The following KCND2 variants were observed in gnomAD, a reference collection of about 807,000 sequenced individuals.
KCND2 encodes A-type voltage-gated potassium channel KCND2.
In KCND2, 16 loss-of-function variants were observed where a neutral mutation model predicts 54.4. The observed-to-expected ratio is 0.29, with a 90% CI of 0.20 to 0.45. The LOEUF is 0.45. Ranked by LOEUF, KCND2 falls within the 20% of genes least tolerant of loss-of-function variation. The pLI is 1.00. For synonymous variants in KCND2, 317 were observed against 310.7 expected, an observed-to-expected ratio of 1.02 and a Z score of -0.21; for missense variants, 486 against 824.2, an observed-to-expected ratio of 0.59 and a Z score of 5.02.
At position 120,508,949 on chromosome 7, in the gene KCND2, C is replaced by A. The variant is rs575726885; in HGVS notation, c.1116-223954C>A. 1.8e-4 allele frequency among the ~76,000 whole-genome samples: 26 copies of A among 148,324 alleles called. No individual in the cohort carries two copies. The South Asian group carries it at 5.4e-3, about 31-fold the overall frequency. On this transcript the variant is annotated intron_variant, in intron 1 of 5. Transcript: ENST00000331113. ...AAGGAGTGGTGAACAGACTGCTTTGCCCTCAGCTGCACCATTTCCAGAGAC... is the reference window on the plus strand; with the variant it reads ...AAGGAGTGGTGAACAGACTGCTTTGACCTCAGCTGCACCATTTCCAGAGAC...
chr7:120,741,433 A>T, intron 2 of KCND2, 101 bp from the exon 3 acceptor site: 2 of 826,640 alleles, frequency 2.4e-6, no homozygotes, highest in Non-Finnish European at 4.1e-6. Context: ...GCTTACTTTT[A>T]AAAATATGTA....
At chr7:120,538,397 GA>G (rs1183039614) in intron 1 of KCND2, among the ~76,000 whole-genome samples, 1 of 152,100 alleles carries the variant, frequency 6.6e-6, no homozygotes, top group Non-Finnish European at 1.5e-5. Flanking sequence ...ATGTCACATA[GA>G]GTCACAAAGT....
At chr7:120,314,132 G>A (rs1799779753) in intron 1 of KCND2, among the ~76,000 whole-genome samples, 2 of 151,522 alleles carry the variant, frequency 1.3e-5, no homozygotes, top group South Asian at 4.2e-4. Context: ...CTATACTAGG[G>A]TTTAAAAAAT....
In KCND2 at chr7:120,591,015, A is replaced by C. The variant is rs550317239; in HGVS notation, c.1116-141888A>C. On this transcript the variant is annotated intron_variant, in intron 1 of 5. Coordinates refer to ENST00000331113, the MANE Select transcript of KCND2 (RefSeq NM_012281.3). Reference sequence around the variant, plus strand: ...ACTGCAGGTTTTCTGTGTTAACCTTATTCTGGATTAATTATTTTTCCTACT... The same window carrying C: ...ACTGCAGGTTTTCTGTGTTAACCTTCTTCTGGATTAATTATTTTTCCTACT... Among the ~76,000 whole-genome samples, 5 of 152,192 alleles carry C rather than the reference A, an allele frequency of 3.3e-5. No individual in the cohort carries two copies. The South Asian group carries it at 1.0e-3, about 32-fold the overall frequency.
chr7:120,319,610 C>A (rs555379533), intron 1 of KCND2, among the ~76,000 whole-genome samples: 12 of 152,192 alleles, frequency 7.9e-5, no homozygotes, highest in African/African-American at 2.6e-4. Context: ...CTAAAACATA[C>A]CATGTTTTTA....
intron 1 of KCND2, among the ~76,000 whole-genome samples, chr7:120,634,267 G>A (rs1482618986): frequency 2.6e-5 from 4 of 151,982 alleles, no homozygotes; most frequent in Non-Finnish European, 4.4e-5. Context: ...AATGCCTTCC[G>A]ACACCAATAT....
intron 1 of KCND2, among the ~76,000 whole-genome samples, chr7:120,522,399 C>A (rs903954198): frequency 1.3e-5 from 2 of 152,172 alleles, no homozygotes; most frequent in East Asian, 3.9e-4. Context: ...TTAATCTCCT[C>A]AGGCTTTTGC....
rs114453558 is a variant in KCND2, at chr7:120,611,517, T to C, written c.1116-121386T>C. ...TTTTGCGATTTTTATTTGCTTAGAG[T>C]AGGGGTGAAGGGTGTCAAAGTGGGA... On this transcript the variant is annotated intron_variant, in intron 1 of 5. Coordinates refer to ENST00000331113, the MANE Select transcript of KCND2 (RefSeq NM_012281.3). Among the ~76,000 whole-genome samples, 1,440 of 152,162 alleles carry C rather than the reference T, an allele frequency of 9.5e-3. 22 individuals carry two copies. Among genetic ancestry groups the C allele is most frequent in the African/African-American group, 0.033 (1,352 of 41,526 alleles).
Position 120,275,753 on chromosome 7 carries a change from T to C in KCND2, c.1115+6T>C, listed in dbSNP as rs751463451. The C allele has an allele frequency of 1.9e-6, 3 of 1,600,040 alleles. No individual in the cohort carries two copies. In the South Asian group the frequency reaches 3.3e-5, roughly 18 times the overall value. ...GTCACCATGACAACACTAGGGTAGG[T>C]GCCATAATGGGAAATGGGATGGAGG... On this transcript the variant is annotated splice_donor_region_variant and intron_variant, in intron 1 of 5. Coordinates refer to ENST00000331113, the MANE Select transcript of KCND2 (RefSeq NM_012281.3).
chr7:120,408,733 TCTTA>T (rs1295550086), intron 1 of KCND2, among the ~76,000 whole-genome samples: 4 of 151,838 alleles, frequency 2.6e-5, no homozygotes, highest in African/African-American at 9.6e-5. Flanking sequence ...AATCCAATGT[TCTTA>T]CTTATTGACG....
chr7:120,427,059 G>C (rs1399183522), intron 1 of KCND2, among the ~76,000 whole-genome samples: 1 of 152,130 alleles, frequency 6.6e-6, no homozygotes, highest in Non-Finnish European at 1.5e-5. Flanking sequence ...TTTTAAGTTG[G>C]TCATGTTTTC....
chr7:120,380,369 G>A (rs929288505), intron 1 of KCND2, among the ~76,000 whole-genome samples: 1 of 151,888 alleles, frequency 6.6e-6, no homozygotes, highest in Non-Finnish European at 1.5e-5. Context: ...CACTGTATTT[G>A]TTCTGAAGCA....
intron 1 of KCND2, among the ~76,000 whole-genome samples, chr7:120,522,773 A>T (rs1019851602): frequency 2.0e-5 from 3 of 152,178 alleles, no homozygotes; most frequent in Admixed American, 6.5e-5. Flanking sequence ...TATCACTGCC[A>T]AGTCCTAGGT....
chr7:120,537,143 G>A (rs1187969999), intron 1 of KCND2, among the ~76,000 whole-genome samples: 3 of 152,146 alleles, frequency 2.0e-5, no homozygotes, highest in Non-Finnish European at 4.4e-5. Context: ...TCATCTATGG[G>A]ATGCAGGATA....
At chr7:120,395,784 T>G (rs1477725311) in intron 1 of KCND2, among the ~76,000 whole-genome samples, 1 of 151,968 alleles carries the variant, frequency 6.6e-6, no homozygotes, top group East Asian at 1.9e-4. Context: ...GGTGGGAGTG[T>G]CATTATGTTA....
At chr7:120,742,453 G>A in intron 3 of KCND2, 57 bp from the exon 4 acceptor site, 1 of 1,351,524 alleles carries the variant, frequency 7.4e-7, no homozygotes, top group Non-Finnish European at 1.1e-6. Flanking sequence ...ATGTAGCCGA[G>A]GTTCGAGTTG....
chr7:120,553,095 A>G (rs1792121892), intron 1 of KCND2, among the ~76,000 whole-genome samples: 1 of 152,222 alleles, frequency 6.6e-6, no homozygotes, highest in Non-Finnish European at 1.5e-5. Context: ...ATAATACATT[A>G]TCATTAACAT....
chr7:120,702,404 C>T (rs994757647), intron 1 of KCND2, among the ~76,000 whole-genome samples: 6 of 152,108 alleles, frequency 3.9e-5, no homozygotes, highest in Admixed American at 1.3e-4. Flanking sequence ...GAGCTAAAAA[C>T]GGAACTACCA....
rs553484196 is a variant in KCND2 at position 120,575,574 on chromosome 7, A to G, written c.1116-157329A>G. On this transcript the variant is annotated intron_variant, in intron 1 of 5. Coordinates refer to ENST00000331113, the MANE Select transcript of KCND2 (RefSeq NM_012281.3). ...AGACATACCCAGAAACAAACTTTGT[A>G]TCCTTCAATCCAATCAAGTTGACAG... is the stretch of plus-strand genomic sequence containing the variant. Among the ~76,000 whole-genome samples the G allele has an allele frequency of 1.1e-3, 173 of 152,308 alleles. 1 individual carries two copies. The Middle Eastern group carries it at 0.014, about 12-fold the overall frequency.
Sources: gnomAD v4.1 joint callset for allele counts (sites outside exome capture counted in the v4.1 genomes callset) on GRCh38, gnomAD v4.1.1 for gene constraint, MANE v1.5 for transcripts, NCBI Gene and HGNC (gene_info 2026-07-23, HGNC 2026-07-21) for gene names.